Variants in SERGEF observed in about 807,000 individuals in gnomAD.
The protein encoded by SERGEF is secretion regulating guanine nucleotide exchange factor.
Under a neutral mutation model 50.0 loss-of-function variants are expected in SERGEF, and 51 were observed. The observed-to-expected ratio is 1.02, with a 90% CI of 0.81 to 1.29. The LOEUF (loss-of-function observed/expected upper bound fraction) is 1.29. SERGEF is among the 50% of genes most tolerant of loss of function. The probability of loss-of-function intolerance (pLI) is 0.00; values close to 1 mark genes in which losing one functional copy is unlikely to be tolerated. For synonymous variants in SERGEF, 205 were observed against 212.4 expected (o/e 0.97, Z 0.30); for missense variants, 521 against 557.0 (o/e 0.94, Z 0.65).
chr11:17,918,261 C>T (rs961585415), intron 9 of SERGEF, among the ~76,000 whole-genome samples: 2 of 152,140 alleles, frequency 1.3e-5, no homozygotes, highest in African/African-American at 4.8e-5. Flanking sequence ...AGCAAGACTC[C>T]AAAAATGTTT....
chr11:17,950,366 T>C (rs1228424320), intron 9 of SERGEF, among the ~76,000 whole-genome samples: 2 of 152,222 alleles, frequency 1.3e-5, no homozygotes, highest in African/African-American at 4.8e-5. Flanking sequence ...TAATCTCCAC[T>C]ATATCTTAAA....
At chr11:17,906,580 G>A (rs1330638048) in intron 9 of SERGEF, among the ~76,000 whole-genome samples, 4 of 152,180 alleles carry the variant, frequency 2.6e-5, no homozygotes, top group African/African-American at 9.6e-5. Context: ...GCCACCTGCC[G>A]CCTCTGCGCC....
intron 8 of SERGEF, among the ~76,000 whole-genome samples, chr11:17,978,841 T>C (rs893891965): frequency 6.6e-6 from 1 of 152,144 alleles, no homozygotes; most frequent in Non-Finnish European, 1.5e-5. Flanking sequence ...TCTACCAGCC[T>C]CATCCCAAGG....
At chr11:17,961,344 G>T (rs1348479640) in intron 8 of SERGEF, among the ~76,000 whole-genome samples, 1 of 152,160 alleles carries the variant, frequency 6.6e-6, no homozygotes, top group Non-Finnish European at 1.5e-5. Context: ...CTGGCAAATT[G>T]TCCCTCTACC....
chr11:17,977,102 TC>T (rs1198645016), intron 8 of SERGEF, among the ~76,000 whole-genome samples: 14 of 152,268 alleles, frequency 9.2e-5, no homozygotes, highest in Middle Eastern at 3.4e-3. Context: ...GTTCTACCCA[TC>T]CCATGCCACC....
chr11:18,012,431 C>T (rs1306771087), intron 1 of SERGEF: 2 of 967,964 alleles, frequency 2.1e-6, no homozygotes, highest in Non-Finnish European at 2.5e-6. Flanking sequence ...ATGCAAGAAC[C>T]GGTCACAGCA....
chr11:17,804,199 C>T (rs1264144496), intron 10 of SERGEF, among the ~76,000 whole-genome samples: 3 of 152,232 alleles, frequency 2.0e-5, no homozygotes, highest in Non-Finnish European at 4.4e-5. Flanking sequence ...CCATCCTATA[C>T]CAACTGTCAG....
chr11:17,876,391 A>G (rs1851235750), intron 10 of SERGEF, among the ~76,000 whole-genome samples: 2 of 152,210 alleles, frequency 1.3e-5, no homozygotes, highest in Admixed American at 6.5e-5. Flanking sequence ...CTCTTCCAAC[A>G]AAGAAATATT....
At chr11:18,003,935 T>G (rs530366707) in intron 4 of SERGEF, among the ~76,000 whole-genome samples, 1 of 152,212 alleles carries the variant, frequency 6.6e-6, no homozygotes, top group South Asian at 2.1e-4. Flanking sequence ...AAGGGGTTAA[T>G]TTTATGGTAT....
At chr11:17,976,134 T>G (rs917305191) in intron 8 of SERGEF, among the ~76,000 whole-genome samples, 2 of 152,084 alleles carry the variant, frequency 1.3e-5, no homozygotes, top group Non-Finnish European at 2.9e-5. Context: ...TACACCTAGC[T>G]CTTCAGGGTT....
chr11:17,883,823 G>T (rs923010095), intron 9 of SERGEF, among the ~76,000 whole-genome samples: 2 of 152,176 alleles, frequency 1.3e-5, no homozygotes, highest in Admixed American at 6.5e-5. Context: ...CTGTTTCCAG[G>T]GATATTTCTT....
At chr11:17,846,272 G>C (rs1260492389) in intron 10 of SERGEF, among the ~76,000 whole-genome samples, 1 of 152,142 alleles carries the variant, frequency 6.6e-6, no homozygotes, top group African/African-American at 2.4e-5. Flanking sequence ...CCTGTGTATC[G>C]CCAATGAGTG....
chr11:17,831,159 T>C (rs1850301573), intron 10 of SERGEF, among the ~76,000 whole-genome samples: 1 of 152,220 alleles, frequency 6.6e-6, no homozygotes, highest in African/African-American at 2.4e-5. Flanking sequence ...TTGTCAAAAC[T>C]ACAAGTTCCT....
At chr11:17,993,101 G>A in intron 6 of SERGEF, 108 bp from the exon 7 acceptor site, 1 of 840,878 alleles carries the variant, frequency 1.2e-6, no homozygotes, top group Non-Finnish European at 1.9e-6. Flanking sequence ...CTCAGCCAGT[G>A]CAGGCAGGCC....
chr11:17,910,898 G>A (rs773809516), intron 9 of SERGEF, among the ~76,000 whole-genome samples: 2 of 152,280 alleles, frequency 1.3e-5, no homozygotes, highest in South Asian at 2.1e-4. Context: ...GGAGGGCCTC[G>A]TGGCTCAGGT....
intron 9 of SERGEF, among the ~76,000 whole-genome samples, chr11:17,896,659 G>A (rs1292547625): frequency 1.2e-5 from 1 of 80,534 alleles, no homozygotes; most frequent in Non-Finnish European, 2.6e-5. Context: ...AAGGGGAAGG[G>A]AAGGGTAACG....
chr11:18,004,318 C>T (rs1854027534), intron 4 of SERGEF, 123 bp downstream of exon 4: 3 of 624,930 alleles, frequency 4.8e-6, no homozygotes, highest in Non-Finnish European at 5.3e-6. Flanking sequence ...TTTTTCAACT[C>T]AAATTCTCCT....
Position 18,006,703 on chromosome 11 carries a change from T to G in SERGEF, c.240A>C (p.Gln80His). The G allele has an allele frequency of 6.2e-7, 1 of 1,614,236 alleles. No individual in the cohort carries two copies. Among genetic ancestry groups the G allele is most frequent in the Non-Finnish European group, 8.5e-7 (1 of 1,180,044 alleles). Reference protein sequence around the residue: ...LFVCGLNKDGQLGLGHTEDIP... With the variant: ...LFVCGLNKDGHLGLGHTEDIP... ...TATCCTCTGTGTGACCAAGCCCCAG[T>G]TGCCCATCTTTGTTCAGGCCACAAA... The change falls in exon 3 of 11, where the codon CAA (glutamine) becomes CAC (histidine). Residue 80 changes from glutamine to histidine, a missense_variant. Transcript: ENST00000265965.
chr11:17,803,446 G>A (rs1379183154), intron 10 of SERGEF, among the ~76,000 whole-genome samples: 2 of 152,228 alleles, frequency 1.3e-5, no homozygotes, highest in African/African-American at 4.8e-5. Flanking sequence ...GAGAGTTGTT[G>A]CTGCTCAGTA....
Sources: gnomAD v4.1 joint callset for allele counts (sites outside exome capture counted in the v4.1 genomes callset) on GRCh38, gnomAD v4.1.1 for gene constraint, MANE v1.5 for transcripts, NCBI Gene and HGNC (gene_info 2026-07-23, HGNC 2026-07-21) for gene names.